The following GALNTL6 variants were observed in gnomAD, a reference collection of about 807,000 sequenced individuals.
GALNTL6 encodes polypeptide N-acetylgalactosaminyltransferase-like 6.
In GALNTL6, 46 loss-of-function variants were observed where a neutral mutation model predicts 73.7. The ratio of observed to expected loss-of-function variants is 0.62; its 90% CI spans 0.49 to 0.80. The LOEUF is 0.80. Ranked by LOEUF, GALNTL6 falls within the 30% of genes least tolerant of loss-of-function variation. The probability of loss-of-function intolerance (pLI) is 0.00; values close to 1 mark genes in which losing one functional copy is unlikely to be tolerated. For missense variants in GALNTL6, 604 were observed against 755.0 expected, an observed-to-expected ratio of 0.80 and a Z score of 2.34; for synonymous variants, 259 against 263.7, an observed-to-expected ratio of 0.98 and a Z score of 0.17.
chr4:171,923,828 T>TGTGTGTGTGTGTGTGTG (rs1737882530), intron 2 of GALNTL6, among the ~76,000 whole-genome samples: 3 of 60,826 alleles, frequency 4.9e-5, no homozygotes, highest in African/African-American at 1.7e-4. Flanking sequence ...GTGTGTGTGT[T>TGTGTGTGTGTGTGTGTG]TGAAGTTCTT....
intron 2 of GALNTL6, among the ~76,000 whole-genome samples, chr4:171,904,575 A>ATATT (rs1168999834): frequency 6.6e-6 from 1 of 152,198 alleles, no homozygotes; most frequent in Non-Finnish European, 1.5e-5. Flanking sequence ...ACTCTGCAGG[A>ATATT]TATTATCCAG....
intron 5 of GALNTL6, among the ~76,000 whole-genome samples, chr4:172,588,643 T>C (rs781366724): frequency 2.6e-5 from 4 of 152,314 alleles, no homozygotes; most frequent in South Asian, 2.1e-4. Context: ...TTTGGACATC[T>C]TTGTAAATGA....
chr4:171,872,425 A>C (rs1260764206), intron 2 of GALNTL6, among the ~76,000 whole-genome samples: 1 of 152,222 alleles, frequency 6.6e-6, no homozygotes, highest in African/African-American at 2.4e-5. Flanking sequence ...AGATGCCTAA[A>C]GTTCTATACT....
In GALNTL6 at chr4:172,200,079, T is replaced by C. The variant is rs142872594; in HGVS notation, c.139-29577T>C. 4.4e-3 allele frequency among the ~76,000 whole-genome samples: 673 copies of C among 152,290 alleles called. 7 individuals carry two copies. Among genetic ancestry groups the C allele is most frequent in the African/African-American group, 0.015 (643 of 41,572 alleles). On this transcript the variant is annotated intron_variant, in intron 2 of 12. Transcript: ENST00000506823. ...AAAAAATCTGGGGAAATGCAATCAC[T>C]AGCTATTTATCCCAATAGTTAATGT...
At chr4:172,102,472 A>T (rs1732546224) in intron 2 of GALNTL6, among the ~76,000 whole-genome samples, 1 of 152,194 alleles carries the variant, frequency 6.6e-6, no homozygotes, top group Non-Finnish European at 1.5e-5. Flanking sequence ...TAGCCATAAC[A>T]TTTTGTACTT....
intron 5 of GALNTL6, among the ~76,000 whole-genome samples, chr4:172,482,205 G>T (rs1288302771): frequency 6.6e-6 from 1 of 152,212 alleles, no homozygotes; most frequent in African/African-American, 2.4e-5. Context: ...CGGAACTCGC[G>T]CTGGCCCAGG....
At chr4:173,004,706 G>A (rs181610773) in intron 10 of GALNTL6, among the ~76,000 whole-genome samples, 3 of 152,180 alleles carry the variant, frequency 2.0e-5, no homozygotes, top group East Asian at 1.9e-4. Context: ...TTTTTGCCAC[G>A]TTAAAAATTC....
chr4:172,152,256 G>A (rs914296684), intron 2 of GALNTL6, among the ~76,000 whole-genome samples: 1 of 152,126 alleles, frequency 6.6e-6, no homozygotes, highest in African/African-American at 2.4e-5. Flanking sequence ...GGGATTAGAG[G>A]TATGAGCCAC....
At chr4:172,559,238 G>T (rs1275877264) in intron 5 of GALNTL6, among the ~76,000 whole-genome samples, 1 of 151,530 alleles carries the variant, frequency 6.6e-6, no homozygotes, top group African/African-American at 2.4e-5. Flanking sequence ...CTAATTTTTT[G>T]TATTTTTAGT....
chr4:171,880,359 A>T (rs1736403818), intron 2 of GALNTL6, among the ~76,000 whole-genome samples: 1 of 152,220 alleles, frequency 6.6e-6, no homozygotes, highest in South Asian at 2.1e-4. Flanking sequence ...TAGGCGTGTG[A>T]AGTCTGAGAA....
chr4:172,184,358 G>A (rs555925312), intron 2 of GALNTL6, among the ~76,000 whole-genome samples: 39 of 152,270 alleles, frequency 2.6e-4, no homozygotes, highest in African/African-American at 9.4e-4. Flanking sequence ...GGGGAAACTG[G>A]TGTGAAGCTC....
intron 7 of GALNTL6, among the ~76,000 whole-genome samples, chr4:172,855,148 C>T (rs1364255949): frequency 1.6e-5 from 2 of 128,186 alleles, no homozygotes; most frequent in Admixed American, 8.4e-5. Context: ...CTGAAGAGAG[C>T]AAATTATGCA....
At chr4:172,065,097 A>G (rs1415402596) in intron 2 of GALNTL6, among the ~76,000 whole-genome samples, 2 of 152,094 alleles carry the variant, frequency 1.3e-5, no homozygotes, top group East Asian at 1.9e-4. Flanking sequence ...TAGTCCCACT[A>G]TATCAGCAGT....
At chr4:172,517,818 C>A (rs1409386093) in intron 5 of GALNTL6, among the ~76,000 whole-genome samples, 1 of 151,944 alleles carries the variant, frequency 6.6e-6, no homozygotes, top group Non-Finnish European at 1.5e-5. Context: ...TTTTTATTAA[C>A]AATACAATCA....
chr4:172,313,816 A>G (rs375213845), intron 4 of GALNTL6, among the ~76,000 whole-genome samples: 21 of 152,258 alleles, frequency 1.4e-4, no homozygotes, highest in East Asian at 1.2e-3. Context: ...ACAAACAACA[A>G]CAGCAACAAA....
chr4:172,132,401 C>A (rs1259749654), intron 2 of GALNTL6, among the ~76,000 whole-genome samples: 1 of 152,092 alleles, frequency 6.6e-6, no homozygotes, highest in East Asian at 1.9e-4. Context: ...ACCAAAAAAT[C>A]ATCTTTTCCA....
intron 12 of GALNTL6, among the ~76,000 whole-genome samples, chr4:173,037,041 T>C (rs1753725617): frequency 6.6e-6 from 1 of 152,162 alleles, no homozygotes; most frequent in African/African-American, 2.4e-5. Flanking sequence ...AACGTAAAGA[T>C]GGCAATGATG....
chr4:172,867,490 G>T (rs1744719665), intron 7 of GALNTL6, among the ~76,000 whole-genome samples: 1 of 152,198 alleles, frequency 6.6e-6, no homozygotes, highest in South Asian at 2.1e-4. Flanking sequence ...GAAGAAAAAT[G>T]AGAGAGGAAA....
At chr4:172,542,114 T>C (rs189638277) in intron 5 of GALNTL6, among the ~76,000 whole-genome samples, 43 of 151,556 alleles carry the variant, frequency 2.8e-4, no homozygotes, top group African/African-American at 5.6e-4. Context: ...GAAACAGCTT[T>C]ATAGAGAAAG....
Sources: allele counts gnomAD v4.1 joint callset (sites outside exome capture counted in the v4.1 genomes callset), GRCh38; gene constraint gnomAD v4.1.1; transcripts MANE v1.5; gene names NCBI Gene and HGNC (gene_info 2026-07-23, HGNC 2026-07-21).